Variants in SIDT2 observed in about 807,000 individuals in gnomAD.
The protein encoded by SIDT2 is SID1 transmembrane family member 2.
SIDT2 carries 68 observed loss-of-function variants against 114.4 expected under a neutral mutation model. The ratio of observed to expected loss-of-function variants is 0.59; its 90% CI spans 0.49 to 0.73. The LOEUF is 0.73. Among genes scored for constraint, SIDT2 ranks in the 30% least tolerant of loss-of-function variants. The probability of loss-of-function intolerance (pLI) is 0.00; values close to 1 mark genes in which losing one functional copy is unlikely to be tolerated. For missense variants in SIDT2, 918 were observed against 1,097.1 expected (o/e 0.84, Z 2.31); for synonymous variants, 470 against 438.4 (o/e 1.07, Z -0.90).
At position 117,189,353 on chromosome 11, in the gene SIDT2, T is replaced by A. The variant is rs749445705; in HGVS notation, c.1371T>A (p.Ala457=). Residue 457 remains alanine (A), a synonymous_variant, in exon 15 of 26, where the codon GCT becomes GCA. Coordinates refer to ENST00000324225, the MANE Select transcript of SIDT2 (RefSeq NM_001040455.2). ...TCCGCAGGAACATTGCCACCATTGC[T>A]GTCTTCTATGCCCTTCCTGTGGTGC... The part of the protein sequence containing the change: ...QIYFWNIATI[A]VFYALPVVQL... The A allele has an allele frequency of 3.1e-6, 5 of 1,614,084 alleles. No homozygotes were observed. Among genetic ancestry groups the A allele is most frequent in the Non-Finnish European group, 3.4e-6 (4 of 1,180,030 alleles).
At position 117,182,122 on chromosome 11, in the gene SIDT2, G is replaced by C. The variant is rs559093955; in HGVS notation, c.516+17G>C. On this transcript the variant is annotated intron_variant, in intron 4 of 25. Transcript: ENST00000324225. ...CAGCCCCAGGTAACATCTCCCTGTTGATTGCTCGAGAGGAGAAATGGGGGA... is the reference window on the plus strand; with the variant it reads ...CAGCCCCAGGTAACATCTCCCTGTTCATTGCTCGAGAGGAGAAATGGGGGA... 2.4e-5 allele frequency: 38 copies of C among 1,613,534 alleles called. 2 individuals are homozygous for C. The Admixed American group carries it at 4.8e-4, about 21-fold the overall frequency.
chr11:117,189,710 G>C, intron 15 of SIDT2: 1 of 599,974 alleles, frequency 1.7e-6, no homozygotes, highest in South Asian at 2.0e-5. Context: ...CTGTCCCGTG[G>C]GGCAAGAACT....
Position 117,192,656 on chromosome 11 carries a change from T to C in SIDT2, c.2058+6T>C. On this transcript the variant is annotated splice_donor_region_variant and intron_variant, in intron 21 of 25. Coordinates refer to ENST00000324225, the MANE Select transcript of SIDT2 (RefSeq NM_001040455.2). The surrounding 1 kb of genome is among the most constrained non-coding windows in gnomAD (Gnocchi z 5.9). ...GCAGCGGGCCGCTCTACGTGGTACC[T>C]GCCTGGTTCCCCTGCTCCATTCTCC... 1 of 1,612,824 alleles carries C rather than the reference T, an allele frequency of 6.2e-7. No individual in the cohort carries two copies. The highest frequency in any genetic ancestry group is 8.5e-7 in the Non-Finnish European group (1 of 1,180,010).
At chr11:117,183,747 T>A (rs375914231) in intron 6 of SIDT2, 32 bp from the exon 7 acceptor site, 22 of 1,371,354 alleles carry the variant, frequency 1.6e-5, no homozygotes, top group East Asian at 4.6e-5. Flanking sequence ...ATGATGATGA[T>A]GAAGAAGATA....
intron 8 of SIDT2, among the ~76,000 whole-genome samples, chr11:117,184,591 A>G (rs2030423110): frequency 3.3e-5 from 5 of 152,160 alleles, no homozygotes; most frequent in Admixed American, 3.3e-4. Context: ...TAATCTCACT[A>G]AGTTATGAGG....
chr11:117,192,341 T>C lies in SIDT2; in HGVS notation c.1960T>C (p.Tyr654His). 1.2e-6 allele frequency: 2 copies of C among 1,605,864 alleles called. No individual in the cohort carries two copies. Among genetic ancestry groups the C allele is most frequent in the Non-Finnish European group, 1.7e-6 (2 of 1,172,826 alleles). ...ATLLLSTQLY[Y>H]MGRWKLDSGI... Reference sequence around the variant, plus strand: ...CCTGCTCCTCAGCACGCAGCTCTATTACATGGGCCGGTGGAAACTGGGTAA... The same window carrying C: ...CCTGCTCCTCAGCACGCAGCTCTATCACATGGGCCGGTGGAAACTGGGTAA... Residue 654 changes from tyrosine (Y) to histidine (H), a missense_variant, in exon 20 of 26, where the codon TAC becomes CAC. Tyr to His is a moderately conservative substitution (Grantham distance 83). Coordinates refer to ENST00000324225, the MANE Select transcript of SIDT2 (RefSeq NM_001040455.2). This position sits in a 1 kb window ranked among gnomAD's most constrained non-coding sequence, Gnocchi z 5.9.
At position 117,192,886 on chromosome 11, in the gene SIDT2, G is replaced by C; in HGVS notation, c.2105+20G>C. Reference sequence around the variant, plus strand: ...GTCGCTGTGAGTATGGTCAGCAGTAGTGGCCTGGTTGGGTGGACAGCTGGG... The same window carrying C: ...GTCGCTGTGAGTATGGTCAGCAGTACTGGCCTGGTTGGGTGGACAGCTGGG... On this transcript the variant is annotated intron_variant, in intron 22 of 25. Transcript: ENST00000324225. The surrounding 1 kb of genome is among the most constrained non-coding windows in gnomAD (Gnocchi z 5.9). 6.2e-7 allele frequency: 1 copy of C among 1,614,122 alleles called. No individual in the cohort carries two copies. The highest frequency in any genetic ancestry group is 1.1e-5 in the South Asian group (1 of 91,086).
intron 2 of SIDT2, 130 bp from the exon 3 acceptor site, chr11:117,181,677 C>T: frequency 1.3e-6 from 2 of 1,566,250 alleles, no homozygotes; most frequent in Non-Finnish European, 1.7e-6. Flanking sequence ...CGAGTCCCAC[C>T]AGCCGGGAGC....
rs2030536206 is a variant in SIDT2, at chr11:117,187,339, CTT to C, written c.1016-38_1016-37del. 7 of 1,595,106 alleles carry C rather than the reference CTT, an allele frequency of 4.4e-6. No homozygotes were observed. In the South Asian group the frequency reaches 7.7e-5, roughly 18 times the overall value. On this transcript the variant is annotated intron_variant, in intron 10 of 25. Coordinates refer to ENST00000324225, the MANE Select transcript of SIDT2 (RefSeq NM_001040455.2). ...CTTCTCCCTGGCTCTAGGCCTCTCT[CTT>C]CGTCCAGTGCTAACAGACCTTGACT... is the stretch of plus-strand genomic sequence containing the variant.
At chr11:117,194,055 C>CAA in intron 24 of SIDT2, 92 bp downstream of exon 24, 1 of 1,046,092 alleles carries the variant, frequency 9.6e-7, no homozygotes, top group Non-Finnish European at 1.4e-6. Flanking sequence ...CCTGTAATCC[C>CAA]AGCACTTTGG....
In SIDT2 at chr11:117,193,277, G is replaced by GC. The variant is rs1282566570; in HGVS notation, c.2211+24dup. 2 of 1,595,798 alleles carry GC rather than the reference G, an allele frequency of 1.3e-6. No individual in the cohort carries two copies. The highest frequency in any genetic ancestry group is 1.7e-6 in the Non-Finnish European group (2 of 1,165,694). On this transcript the variant is annotated intron_variant, in intron 23 of 25. Coordinates refer to ENST00000324225, the MANE Select transcript of SIDT2 (RefSeq NM_001040455.2). ...CATGAAGGTGAGTGGGGCTGGCCAA[G>GC]CCCCCTCTGTCAGCTGCTCTGCTAT... is the stretch of plus-strand genomic sequence containing the variant.
In SIDT2 at chr11:117,188,884, T is replaced by A; in HGVS notation, c.1278+58T>A. 4.0e-6 allele frequency: 6 copies of A among 1,494,164 alleles called. No homozygotes were observed. Among genetic ancestry groups the A allele is most frequent in the Non-Finnish European group, 5.6e-6 (6 of 1,070,912 alleles). 92.6% of individuals were successfully genotyped at this position (1,494,164 alleles called of 1,614,324 possible). A position where few individuals can be genotyped will look rare whatever the true frequency, so the allele number is the denominator to read the frequency against. Reference sequence around the variant, plus strand: ...TTCCTGAGAAAGGGACATTCTGCGTTCCCGCCCCAGCATGTTCCCACTGAC... The same window carrying A: ...TTCCTGAGAAAGGGACATTCTGCGTACCCGCCCCAGCATGTTCCCACTGAC... On this transcript the variant is annotated intron_variant, in intron 13 of 25. Transcript: ENST00000324225. The surrounding 1 kb of genome is among the most constrained non-coding windows in gnomAD (Gnocchi z 4.0).
chr11:117,182,526 A>C lies in SIDT2; in HGVS notation c.524A>C (p.Lys175Thr), dbSNP rs1160638203. ...TCCTTCCTGCACCCTCAGTACTTCA[A>C]GTATGAGTTCCCTGAAGGCGTGGAC... ...NTTAAQPQYF[K>T]YEFPEGVDSV... Residue 175 changes from lysine (K) to threonine (T), a missense_variant, in exon 5 of 26, where the codon AAG (lysine) becomes ACG (threonine). Lys to Thr is a moderately conservative substitution (Grantham distance 78). Transcript: ENST00000324225. 23 of 1,613,686 alleles carry C rather than the reference A, an allele frequency of 1.4e-5. No homozygotes were observed. The highest frequency in any genetic ancestry group is 1.9e-5 in the Non-Finnish European group (22 of 1,179,658).
rs1000403496 is a variant in SIDT2 at position 117,188,962 on chromosome 11, C to T, written c.1278+136C>T. ...GGCTCAGCTGGGGCAGGGCAGATGC[C>T]GGGGAAACTAACCTGACCTCCAACC... On this transcript the variant is annotated intron_variant, in intron 13 of 25. Transcript: ENST00000324225. The surrounding 1 kb of genome is among the most constrained non-coding windows in gnomAD (Gnocchi z 4.0). 10 of 1,041,690 alleles carry T rather than the reference C, an allele frequency of 9.6e-6. No individual in the cohort carries two copies. The highest frequency in any genetic ancestry group is 2.1e-4 in the Middle Eastern group (1 of 4,842). The allele number at this position is 1,041,690 out of a possible 1,614,324, so 64.5% of individuals were successfully genotyped here. A position where few individuals can be genotyped will look rare whatever the true frequency, so the allele number is the denominator to read the frequency against.
intron 8 of SIDT2, 98 bp downstream of exon 8, chr11:117,184,237 A>G: frequency 8.4e-7 from 1 of 1,185,846 alleles, no homozygotes; most frequent in Middle Eastern, 2.2e-4. Flanking sequence ...GGTGATGAGG[A>G]TGCAGATATG....
chr11:117,193,315 A>T, intron 23 of SIDT2, 57 bp downstream of exon 23: 1 of 1,437,918 alleles, frequency 7.0e-7, no homozygotes, highest in Non-Finnish European at 9.6e-7. Flanking sequence ...GGGGAGAGAG[A>T]TGGGCCCGGC....
chr11:117,184,024 C>A (rs371582156), intron 7 of SIDT2, 50 bp from the exon 8 acceptor site: 1 of 1,606,488 alleles, frequency 6.2e-7, no homozygotes, highest in African/African-American at 1.3e-5. Flanking sequence ...CCCACTGACT[C>A]TAGCCAAGCT....
At position 117,193,839 on chromosome 11, in the gene SIDT2, C is replaced by A; in HGVS notation, c.2212-14C>A. 6.2e-7 allele frequency: 1 copy of A among 1,605,512 alleles called. No homozygotes were observed. The highest frequency in any genetic ancestry group is 1.1e-5 in the South Asian group (1 of 90,918). ...TAAGCCCTCAGACTGCTGTCCCTGC[C>A]TGGCCCCTCCCAGCTCCGGAGTGGG... is the stretch of plus-strand genomic sequence containing the variant. On this transcript the variant is annotated splice_polypyrimidine_tract_variant and intron_variant, in intron 23 of 25. Coordinates refer to ENST00000324225, the MANE Select transcript of SIDT2 (RefSeq NM_001040455.2).
At position 117,186,595 on chromosome 11, in the gene SIDT2, A is replaced by G; in HGVS notation, c.974A>G (p.Lys325Arg). ...TTCTGTCCATGCAGGCAGAAGAAGA[A>G]GACCCTGCTGGTGGCCATTGACCGA... is the stretch of plus-strand genomic sequence containing the variant. ...ACWENWRQKK[K>R]TLLVAIDRAC... The change falls in exon 10 of 26, where the codon AAG (lysine) becomes AGG (arginine). Residue 325 changes from lysine (K) to arginine (R), a missense_variant. Coordinates refer to ENST00000324225, the MANE Select transcript of SIDT2 (RefSeq NM_001040455.2). 6.4e-7 allele frequency: 1 copy of G among 1,569,280 alleles called. No homozygotes were observed. Among genetic ancestry groups the G allele is most frequent in the Non-Finnish European group, 8.6e-7 (1 of 1,161,308 alleles).
Sources: gnomAD v4.1 joint callset for allele counts (sites outside exome capture counted in the v4.1 genomes callset) on GRCh38, gnomAD v4.1.1 for gene constraint, Gnocchi (gnomAD v3.1) non-coding constraint, MANE v1.5 for transcripts, NCBI Gene and HGNC (gene_info 2026-07-23, HGNC 2026-07-21) for gene names.